MGP: variants seen among roughly 807,000 people sequenced by gnomAD.
MGP encodes the protein matrix Gla protein.
Under a neutral mutation model 14.5 loss-of-function variants are expected in MGP, and 13 were observed. The ratio of observed to expected loss-of-function variants is 0.89; its 90% CI spans 0.58 to 1.42. MGP has a LOEUF of 1.42. MGP is among the 40% of genes most tolerant of loss of function. MGP has a pLI of 0.00. For missense variants in MGP, 128 were observed against 133.7 expected (o/e 0.96, Z 0.21); for synonymous variants, 44 against 46.3 (o/e 0.95, Z 0.20).
In MGP at chr12:14,881,113, G is replaced by A. The variant is rs894087569; in HGVS notation, c.*1026C>T. 6.6e-6 allele frequency: 1 copy of A among 152,200 alleles called. No homozygotes were observed. Among genetic ancestry groups the A allele is most frequent in the Non-Finnish European group, 1.5e-5 (1 of 68,030 alleles). The allele number at this position is 152,200 out of a possible 1,614,324, so 9.4% of individuals were successfully genotyped here. A position where few individuals can be genotyped will look rare whatever the true frequency, so the allele number is the denominator to read the frequency against. ...AAGGAAGTCGTCAGGCAGAAAGGAA[G>A]TGACACCAGATGGAAAGAAGAATGA... On this transcript the variant is annotated 3_prime_UTR_variant, in exon 4 of 4. Coordinates refer to ENST00000539261, the MANE Select transcript of MGP (RefSeq NM_000900.5).
chr12:14,883,919 C>G (rs1305870469), intron 2 of MGP: 5 of 266,734 alleles, frequency 1.9e-5, no homozygotes, highest in Admixed American at 1.5e-4. Flanking sequence ...TGTCATTACT[C>G]CTCGTTTTCC....
intron 3 of MGP, among the ~76,000 whole-genome samples, 158 bp downstream of exon 3, chr12:14,882,814 T>C (rs755004728): frequency 7.2e-5 from 11 of 151,918 alleles, no homozygotes; most frequent in Non-Finnish European, 1.0e-4. Context: ...AATTTTCTAA[T>C]AATTCAGTTG....
Position 14,882,064 on chromosome 12 carries a change from T to C in MGP, c.*75A>G. The C allele has an allele frequency of 1.3e-6, 2 of 1,555,028 alleles. No individual in the cohort carries two copies. The highest frequency in any genetic ancestry group is 1.8e-6 in the Non-Finnish European group (2 of 1,126,926). On this transcript the variant is annotated 3_prime_UTR_variant, in exon 4 of 4. Coordinates refer to ENST00000539261, the MANE Select transcript of MGP (RefSeq NM_000900.5). ...TTGTATATAAGCCTATGTATTTCTGTAATGCTGCTACAGGGGGATACAAAA... is the reference window on the plus strand; with the variant it reads ...TTGTATATAAGCCTATGTATTTCTGCAATGCTGCTACAGGGGGATACAAAA...
rs1264583267 is a variant in MGP, at chr12:14,882,677, C to CA, written c.170+294dup. On this transcript the variant is annotated intron_variant, in intron 3 of 3. Transcript: ENST00000539261. ...GTCTCAGAAAAACCAACCAACCAAC[C>CA]AAAAAAAAAACCAGGGAGGGAAGGC... 3.1e-3 allele frequency among the ~76,000 whole-genome samples: 440 copies of CA among 139,724 alleles called. 4 individuals are homozygous for CA. The highest frequency in any genetic ancestry group is 5.1e-3 in the South Asian group (22 of 4,346). The allele number at this position is 139,724 out of a possible 152,430, so 91.7% of individuals were successfully genotyped here. A position where few individuals can be genotyped will look rare whatever the true frequency, so the allele number is the denominator to read the frequency against.
At chr12:14,882,916 G>A in intron 3 of MGP, 56 bp downstream of exon 3, 1 of 1,139,950 alleles carries the variant, frequency 8.8e-7, no homozygotes, top group Non-Finnish European at 1.3e-6. Flanking sequence ...CTCCAATTCA[G>A]ATCTGTGATC....
intron 3 of MGP, 120 bp from the exon 4 acceptor site, chr12:14,882,400 T>C: frequency 7.7e-7 from 1 of 1,290,612 alleles, no homozygotes; most frequent in Non-Finnish European, 1.1e-6. Context: ...TTAAGAGATA[T>C]TTAAAGAACA....
chr12:14,885,581 C>G (rs1336003242), intron 1 of MGP, 150 bp downstream of exon 1: 3 of 712,754 alleles, frequency 4.2e-6, no homozygotes, highest in Non-Finnish European at 7.6e-6. Flanking sequence ...AGATCAGTTT[C>G]TGCGGAGACT....
At chr12:14,883,897 TG>T in intron 2 of MGP, 1 of 248,868 alleles carries the variant, frequency 4.0e-6, no homozygotes, top group South Asian at 6.1e-5. Flanking sequence ...TCCAGCTCTG[TG>T]CTTTACCATT....
At position 14,884,246 on chromosome 12, in the gene MGP, C is replaced by A; in HGVS notation, c.62-1G>T. 7.2e-7 allele frequency: 1 copy of A among 1,394,584 alleles called. No individual in the cohort carries two copies. Among genetic ancestry groups the A allele is most frequent in the Admixed American group, 2.0e-5 (1 of 51,246 alleles). 86.4% of individuals were successfully genotyped at this position (1,394,584 alleles called of 1,614,324 possible). A position where few individuals can be genotyped will look rare whatever the true frequency, so the allele number is the denominator to read the frequency against. On this transcript the variant is annotated splice_acceptor_variant, in intron 1 of 3. Transcript: ENST00000539261. LOFTEE classifies it high-confidence loss of function. ...TAAGATTCCATGCTTTCATGTGATT[C>A]TGAAATTAAAAAAAAAAGATTCATT...
At chr12:14,884,105 G>T in intron 2 of MGP, 108 bp downstream of exon 2, 1 of 869,546 alleles carries the variant, frequency 1.2e-6, no homozygotes, top group Non-Finnish European at 1.7e-6. Flanking sequence ...TCCAAAAGAG[G>T]CCCCCTTTTC....
Position 14,882,262 on chromosome 12 carries a change from C to A in MGP, c.189G>T (p.Lys63Asn). ...KVQERIRERSKPVHELNREAC... is the reference protein window; with the variant it reads ...KVQERIRERSNPVHELNREAC... The stretch of plus-strand genomic sequence containing the variant: ...CTTCCCTATTGAGCTCGTGGACAGG[C>A]TTAGAGCGTTCTCGGATCCTAGAAA... The change falls in exon 4 of 4, where the codon AAG becomes AAT. Residue 63 changes from lysine (K) to asparagine (N), a missense_variant. Lys to Asn is a moderately conservative substitution (Grantham distance 94, BLOSUM62 0). Coordinates refer to ENST00000539261, the MANE Select transcript of MGP (RefSeq NM_000900.5). The A allele has an allele frequency of 6.2e-7, 1 of 1,613,906 alleles. No individual in the cohort carries two copies. Among genetic ancestry groups the A allele is most frequent in the Non-Finnish European group, 8.5e-7 (1 of 1,179,966 alleles).
chr12:14,885,635 A>T, intron 1 of MGP, 96 bp downstream of exon 1: 1 of 862,310 alleles, frequency 1.2e-6, no homozygotes, highest in Non-Finnish European at 1.9e-6. Context: ...TAACAGAGAA[A>T]GGGGGAAGAA....
At chr12:14,882,922 T>G in intron 3 of MGP, 50 bp downstream of exon 3, 50 of 1,163,998 alleles carry the variant, frequency 4.3e-5, no homozygotes, top group Non-Finnish European at 5.5e-5. Context: ...TTCAGATCTG[T>G]GATCTACACT....
rs1224129586 is a variant in MGP, at chr12:14,882,247, G to A, written c.204C>T (p.Leu68=). 6.2e-7 allele frequency: 1 copy of A among 1,613,974 alleles called. No homozygotes were observed. The highest frequency in any genetic ancestry group is 8.5e-7 in the Non-Finnish European group (1 of 1,179,986). The change falls in exon 4 of 4, where the codon CTC becomes CTT. Residue 68 remains leucine (L), a synonymous_variant. Coordinates refer to ENST00000539261, the MANE Select transcript of MGP (RefSeq NM_000900.5). ...IRERSKPVHE[L]NREACDDYRL... ...TGTAGTCATCACAGGCTTCCCTATTGAGCTCGTGGACAGGCTTAGAGCGTT... is the reference window on the plus strand; with the variant it reads ...TGTAGTCATCACAGGCTTCCCTATTAAGCTCGTGGACAGGCTTAGAGCGTT...
chr12:14,881,689 C>A lies in MGP; in HGVS notation c.*450G>T. ...TAGGAAAATCCTGCAAAAAACATAC[C>A]AGATTCCATTCACGGATTCCAAGGT... is the stretch of plus-strand genomic sequence containing the variant. On this transcript the variant is annotated 3_prime_UTR_variant, in exon 4 of 4. Coordinates refer to ENST00000539261, the MANE Select transcript of MGP (RefSeq NM_000900.5). The A allele has an allele frequency of 6.0e-6, 1 of 166,342 alleles. No individual in the cohort carries two copies. Among genetic ancestry groups the A allele is most frequent in the Non-Finnish European group, 1.3e-5 (1 of 75,798 alleles). 10.3% of individuals were successfully genotyped at this position (166,342 alleles called of 1,614,324 possible). A position where few individuals can be genotyped will look rare whatever the true frequency, so the allele number is the denominator to read the frequency against.
rs145024683 is a variant in MGP, at chr12:14,882,205, G to A, written c.246C>T (p.Tyr82=). 6.8e-6 allele frequency: 11 copies of A among 1,613,954 alleles called. No individual in the cohort carries two copies. Among genetic ancestry groups the A allele is most frequent in the Middle Eastern group, 1.6e-4 (1 of 6,084 alleles). ...ACDDYRLCER[Y]AMVYGYNAAY... is the part of the protein sequence containing the mutation. The stretch of plus-strand genomic sequence containing the variant: ...CAGCATTGTATCCATAAACCATGGC[G>A]TAGCGTTCGCAAAGTCTGTAGTCAT... Residue 82 remains tyrosine, a synonymous_variant, in exon 4 of 4, where the codon TAC becomes TAT. Coordinates refer to ENST00000539261, the MANE Select transcript of MGP (RefSeq NM_000900.5).
Position 14,882,342 on chromosome 12 carries a change from AAAG to A in MGP, c.171-65_171-63del, listed in dbSNP as rs1287308146. 4.5e-5 allele frequency: 70 copies of A among 1,565,970 alleles called. No individual in the cohort carries two copies. In the East Asian group the frequency reaches 1.5e-3, roughly 33 times the overall value. On this transcript the variant is annotated intron_variant, in intron 3 of 3. Transcript: ENST00000539261. ...TAAAGTGGAAAAATACAAAAATGGAAAAGAAGAAGAAAATATTGGAGAGACTTT... is the reference window on the plus strand; with the variant it reads ...TAAAGTGGAAAAATACAAAAATGGAAAAGAAGAAAATATTGGAGAGACTTT...
In MGP at chr12:14,881,840, C is replaced by A; in HGVS notation, c.*299G>T. 2.7e-6 allele frequency: 1 copy of A among 365,354 alleles called. No individual in the cohort carries two copies. 22.6% of individuals were successfully genotyped at this position (365,354 alleles called of 1,614,324 possible). A position where few individuals can be genotyped will look rare whatever the true frequency, so the allele number is the denominator to read the frequency against. On this transcript the variant is annotated 3_prime_UTR_variant, in exon 4 of 4. Transcript: ENST00000539261. ...AATCTCCTATTTTGGGTAAGGTGGG[C>A]CATGATTTAAATATCTCAATATCTT...
rs1429903841 is a variant in MGP at position 14,882,063 on chromosome 12, G to C, written c.*76C>G. On this transcript the variant is annotated 3_prime_UTR_variant, in exon 4 of 4. Transcript: ENST00000539261. ...ATTGTATATAAGCCTATGTATTTCT[G>C]TAATGCTGCTACAGGGGGATACAAA... is the stretch of plus-strand genomic sequence containing the variant. 1.3e-6 allele frequency: 2 copies of C among 1,552,518 alleles called. No homozygotes were observed. Among genetic ancestry groups the C allele is most frequent in the African/African-American group, 2.7e-5 (2 of 73,380 alleles).
Sources: gnomAD v4.1 joint callset for allele counts (sites outside exome capture counted in the v4.1 genomes callset) on GRCh38, gnomAD v4.1.1 for gene constraint, MANE v1.5 for transcripts, NCBI Gene and HGNC (gene_info 2026-07-23, HGNC 2026-07-21) for gene names.